Variants in HSPA9 observed in about 807,000 individuals in gnomAD.
HSPA9 encodes heat shock protein family A (Hsp70) member 9.
HSPA9 carries 28 observed loss-of-function variants against 81.5 expected under a neutral mutation model. That is an observed-to-expected ratio of 0.34 (90% CI 0.25 to 0.47). The LOEUF is 0.47. Among genes scored for constraint, HSPA9 ranks in the 20% least tolerant of loss-of-function variants. The pLI is 1.00. For missense variants in HSPA9, 678 were observed against 838.0 expected (o/e 0.81, Z 2.36); for synonymous variants, 293 against 290.4 (o/e 1.01, Z -0.09).
intron 3 of HSPA9, 119 bp downstream of exon 3, chr5:138,573,644 A>T (rs1188091992): frequency 6.8e-6 from 1 of 147,836 alleles, no homozygotes; most frequent in African/African-American, 1.1e-4. Context: ...CTGTCTCCAA[A>T]AAAAAAAAAA....
chr5:138,567,260 A>C (rs1250791025), intron 7 of HSPA9, 97 bp from the exon 8 acceptor site: 1 of 1,135,702 alleles, frequency 8.8e-7, no homozygotes, highest in African/African-American at 1.6e-5. Context: ...AGATAATCTA[A>C]GCTATTTCCC....
intron 4 of HSPA9, 175 bp downstream of exon 4, chr5:138,570,785 A>G (rs1244185607): frequency 1.1e-5 from 7 of 661,722 alleles, no homozygotes; most frequent in Non-Finnish European, 1.3e-5. Flanking sequence ...GCACTGGCCA[A>G]AAATGAATTT....
intron 14 of HSPA9, 50 bp from the exon 15 acceptor site, chr5:138,556,916 T>G: frequency 7.9e-7 from 1 of 1,272,216 alleles, no homozygotes; most frequent in Non-Finnish European, 1.2e-6. Context: ...AACCAAAGTT[T>G]GCTGAATGTC....
chr5:138,557,103 A>G (rs995450327), intron 14 of HSPA9: 12 of 609,140 alleles, frequency 2.0e-5, no homozygotes, highest in Non-Finnish European at 3.2e-5. Flanking sequence ...CACTGCAAAC[A>G]TAAGGTATAA....
Position 138,574,072 on chromosome 5 carries a change from A to G in HSPA9, c.136T>C (p.Tyr46His). ...EAFRLVSRRD[Y>H]ASEAIKGAVV... ...AGGAAATGATATTATACTTACGCAT[A>G]ATCCCGCCTTGAAACAAGTCTAAAA... The change falls in exon 2 of 17, where the codon TAT becomes CAT. Residue 46 changes from tyrosine to histidine, a missense_variant. This residue lies in a region of HSPA9 where 89 missense variants were observed against 70.4 expected (regional missense o/e 1.27). Transcript: ENST00000297185. 1 of 1,612,860 alleles carries G rather than the reference A, an allele frequency of 6.2e-7. No homozygotes were observed. Among genetic ancestry groups the G allele is most frequent in the Non-Finnish European group, 8.5e-7 (1 of 1,178,850 alleles).
intron 9 of HSPA9, among the ~76,000 whole-genome samples, chr5:138,563,942 G>C (rs931673818): frequency 6.6e-6 from 1 of 152,068 alleles, no homozygotes; most frequent in Non-Finnish European, 1.5e-5. Context: ...TGCCCTTTTG[G>C]CCACTCTGGC....
At chr5:138,563,097 A>G (rs891430508) in intron 9 of HSPA9, among the ~76,000 whole-genome samples, 1 of 152,340 alleles carries the variant, frequency 6.6e-6, no homozygotes, top group South Asian at 2.1e-4. Flanking sequence ...GAATAGTGAT[A>G]CCTAAATATT....
intron 13 of HSPA9, 122 bp downstream of exon 13, chr5:138,557,747 C>T (rs1192043376): frequency 1.2e-6 from 1 of 807,282 alleles, no homozygotes; most frequent in Non-Finnish European, 2.2e-6. Context: ...GGGGAATAAA[C>T]ATTACACTTG....
intron 3 of HSPA9, among the ~76,000 whole-genome samples, chr5:138,572,107 C>A (rs1750917114): frequency 6.6e-6 from 1 of 151,982 alleles, no homozygotes; most frequent in South Asian, 2.1e-4. Flanking sequence ...CAGGGGCACA[C>A]CACTATGCCC....
In HSPA9 at chr5:138,557,593, A is replaced by G. The variant is rs536158850; in HGVS notation, c.1634-97T>C. The G allele has an allele frequency of 1.1e-5, 9 of 811,932 alleles. No individual in the cohort carries two copies. In the South Asian group the frequency reaches 1.3e-4, roughly 12 times the overall value. The allele number at this position is 811,932 out of a possible 1,614,324, so 50.3% of individuals were successfully genotyped here. A position where few individuals can be genotyped will look rare whatever the true frequency, so the allele number is the denominator to read the frequency against. On this transcript the variant is annotated intron_variant, in intron 13 of 16. Transcript: ENST00000297185. ...AGAGTACTCCTGCTCATAGCAGCCA[A>G]TCTTGATACAAATTATGAAGAGGAG...
chr5:138,574,319 A>C, intron 1 of HSPA9, 193 bp from the exon 2 acceptor site: 2 of 632,344 alleles, frequency 3.2e-6, no homozygotes, highest in Non-Finnish European at 2.8e-6. Flanking sequence ...AGGATTTCTC[A>C]ACCGTGGCGC....
At chr5:138,559,780 G>A in intron 11 of HSPA9, 84 bp downstream of exon 11, 1 of 919,578 alleles carries the variant, frequency 1.1e-6, no homozygotes, top group South Asian at 1.4e-5. Flanking sequence ...AAGTTTTCTA[G>A]AAAAAACTCA....
At position 138,567,669 on chromosome 5, in the gene HSPA9, A is replaced by C. The variant is rs1416873923; in HGVS notation, c.589T>G (p.Phe197Val). Residue 197 changes from phenylalanine (F) to valine (V), a missense_variant, in exon 6 of 17, where the codon TTC becomes GTC. Phe to Val is a conservative substitution (Grantham distance 50). Coordinates refer to ENST00000297185, the MANE Select transcript of HSPA9 (RefSeq NM_004134.7). ...KNAVITVPAY[F>V]NDSQRQATKD... is the part of the protein sequence containing the mutation. ...CTCACCTGTCTCTGCGAGTCATTGA[A>C]ATAAGCTGGGACTGTGATCACAGCA... is the stretch of plus-strand genomic sequence containing the variant. 4 of 1,613,946 alleles carry C rather than the reference A, an allele frequency of 2.5e-6. No individual in the cohort carries two copies. The highest frequency in any genetic ancestry group is 1.3e-5 in the African/African-American group (1 of 75,044).
rs780729960 is a variant in HSPA9 at position 138,558,629 on chromosome 5, G to T, written c.1439C>A (p.Thr480Lys). The T allele has an allele frequency of 6.2e-7, 1 of 1,613,324 alleles. No homozygotes were observed. The highest frequency in any genetic ancestry group is 2.2e-5 in the East Asian group (1 of 44,888). ...CTGACACACTTTAATTTCCACTTGC[G>T]TTTGACCATCAGCGGCAGTAGAGAA... is the stretch of plus-strand genomic sequence containing the variant. Reference protein sequence around the residue: ...QVFSTAADGQTQVEIKVCQGE... With the variant: ...QVFSTAADGQKQVEIKVCQGE... The change falls in exon 12 of 17, where the codon ACG becomes AAG. Residue 480 changes from threonine (T) to lysine (K), a missense_variant. Transcript: ENST00000297185.
At position 138,560,024 on chromosome 5, in the gene HSPA9, A is replaced by G. The variant is rs1481623691; in HGVS notation, c.1250T>C (p.Val417Ala). 3 of 1,614,082 alleles carry G rather than the reference A, an allele frequency of 1.9e-6. No individual in the cohort carries two copies. Among genetic ancestry groups the G allele is most frequent in the African/African-American group, 1.3e-5 (1 of 74,938 alleles). Reference sequence around the variant, plus strand: ...TCCCTGAATGGCAGCTCCAATGGCCACAGCCTCATCAGGATTGACAGCTTT... The same window carrying G: ...TCCCTGAATGGCAGCTCCAATGGCCGCAGCCTCATCAGGATTGACAGCTTT... ...PSKAVNPDEA[V>A]AIGAAIQGGV... Residue 417 changes from valine (V) to alanine (A), a missense_variant, in exon 11 of 17, where the codon GTG becomes GCG. Val to Ala is a moderately conservative substitution (Grantham distance 64). Coordinates refer to ENST00000297185, the MANE Select transcript of HSPA9 (RefSeq NM_004134.7).
rs747136374 is a variant in HSPA9 at position 138,555,617 on chromosome 5, CCAGTACAG to C, written c.*412_*419del. The C allele has an allele frequency of 5.5e-5, 15 of 270,462 alleles. No individual in the cohort carries two copies. Among genetic ancestry groups the C allele is most frequent in the Non-Finnish European group, 1.1e-4 (15 of 138,850 alleles). 16.8% of individuals were successfully genotyped at this position (270,462 alleles called of 1,614,324 possible). ...TTGAAGGACCCCATGTACATACAGG[CCAGTACAG>C]CAGTACTAGGCTAACTAGAAGGATC... On this transcript the variant is annotated 3_prime_UTR_variant, in exon 17 of 17. Transcript: ENST00000297185.
Position 138,567,365 on chromosome 5 carries a change from T to C in HSPA9, c.716+90A>G, listed in dbSNP as rs572227805. 4 of 1,121,042 alleles carry C rather than the reference T, an allele frequency of 3.6e-6. No individual in the cohort carries two copies. The East Asian group carries it at 9.4e-5, about 26-fold the overall frequency. The allele number at this position is 1,121,042 out of a possible 1,614,324, so 69.4% of individuals were successfully genotyped here. On this transcript the variant is annotated intron_variant, in intron 7 of 16. Transcript: ENST00000297185. ...AAAGACAATACAGACTTAAAATCAGTAAAAGCACTGTAAAAGGCTCAATTA... is the reference window on the plus strand; with the variant it reads ...AAAGACAATACAGACTTAAAATCAGCAAAAGCACTGTAAAAGGCTCAATTA...
At chr5:138,560,908 A>ATTTTT in intron 10 of HSPA9, 2 of 336,018 alleles carry the variant, frequency 6.0e-6, no homozygotes, top group South Asian at 2.3e-5. Flanking sequence ...TTCCAGGTTC[A>ATTTTT]TTTTTTTTTT....
rs752267051 is a variant in HSPA9, at chr5:138,573,817, A to T, written c.174T>A (p.Ile58=). 4 of 1,613,730 alleles carry T rather than the reference A, an allele frequency of 2.5e-6. No individual in the cohort carries two copies. In the Admixed American group the frequency reaches 6.7e-5, roughly 27 times the overall value. ...SEAIKGAVVG[I]DLGTTNSCVA... is the part of the protein sequence containing the mutation. Reference sequence around the variant, plus strand: ...CGCAGGAGTTGGTAGTACCCAAATCAATACCAACAACTGCTCCCTTGATTG... The same window carrying T: ...CGCAGGAGTTGGTAGTACCCAAATCTATACCAACAACTGCTCCCTTGATTG... Residue 58 remains isoleucine (I), a synonymous_variant, in exon 3 of 17, where the codon ATT becomes ATA. Transcript: ENST00000297185.
Sources: gnomAD v4.1 joint callset for allele counts (sites outside exome capture counted in the v4.1 genomes callset) on GRCh38, gnomAD v4.1.1 for gene constraint, gnomAD v4.1.1 regional missense constraint, MANE v1.5 for transcripts, NCBI Gene and HGNC (gene_info 2026-07-23, HGNC 2026-07-21) for gene names.